Variants in ATP2B2 observed in about 807,000 individuals in gnomAD.
The protein encoded by ATP2B2 is plasma membrane calcium-transporting ATPase 2.
A neutral mutation model predicts 120.0 loss-of-function variants in ATP2B2; 15 were observed. The observed-to-expected ratio is 0.12, with a 90% CI of 0.08 to 0.19. The LOEUF is 0.19. Among genes scored for constraint, ATP2B2 ranks in the 10% least tolerant of loss-of-function variants. ATP2B2 has a pLI of 1.00. For synonymous variants in ATP2B2, 694 were observed against 700.3 expected (o/e 0.99, Z 0.14); for missense variants, 1,045 against 1,719.8 (o/e 0.61, Z 6.94).
At chr3:10,354,927 G>T (rs562753868) in intron 14 of ATP2B2, among the ~76,000 whole-genome samples, 25 of 152,076 alleles carry the variant, frequency 1.6e-4, no homozygotes, top group Non-Finnish European at 3.7e-4. Flanking sequence ...ATAAAGGGAC[G>T]AGTCCAGGAG....
At position 10,606,961 on chromosome 3, in the gene ATP2B2, GGAGA is replaced by G. The variant is rs1288819291; in HGVS notation, c.-415+12952_-415+12955del. ...GAGGGAGAGGGAGAGGGGGAGGGGG[GGAGA>G]GAGAGAGAGAGAGAAAGAAAGAGAG... On this transcript the variant is annotated intron_variant, in intron 2 of 21. Transcript: ENST00000646379. Among the ~76,000 whole-genome samples, 176 of 91,324 alleles carry G rather than the reference GGAGA, an allele frequency of 1.9e-3. 3 individuals are homozygous for G. The East Asian group carries it at 0.034, about 17-fold the overall frequency. 59.9% of individuals were successfully genotyped at this position (91,324 alleles called of 152,430 possible).
At chr3:10,650,706 C>T (rs2070435622) in intron 1 of ATP2B2, among the ~76,000 whole-genome samples, 2 of 152,188 alleles carry the variant, frequency 1.3e-5, no homozygotes, top group Non-Finnish European at 2.9e-5. Flanking sequence ...CTGCTCTGTG[C>T]AGCTGTCAGA....
chr3:10,507,375 G>T (rs2066663472), upstream of ATP2B2, among the ~76,000 whole-genome samples: 1 of 152,064 alleles, frequency 6.6e-6, no homozygotes, highest in African/African-American at 2.4e-5. Context: ...ACCCCTCTAG[G>T]TGGTCTTCTA....
At chr3:10,602,044 G>A (rs992784957) in intron 2 of ATP2B2, among the ~76,000 whole-genome samples, 2 of 152,342 alleles carry the variant, frequency 1.3e-5, no homozygotes, top group East Asian at 1.9e-4. Flanking sequence ...TGTCCTCCCC[G>A]CGCCTGCAGA....
At chr3:10,388,545 G>C in intron 5 of ATP2B2, 143 bp from the exon 6 acceptor site, 2 of 1,226,336 alleles carry the variant, frequency 1.6e-6, no homozygotes, top group South Asian at 2.5e-5. Context: ...GATTCACACT[G>C]TGTGTGTGGT....
At chr3:10,509,791 G>A (rs896560650), upstream of ATP2B2, among the ~76,000 whole-genome samples, 2 of 152,170 alleles carry the variant, frequency 1.3e-5, no homozygotes, top group Admixed American at 1.3e-4. Context: ...AACTCCCTCA[G>A]CCAACCAGAT....
chr3:10,328,474 T>C lies in ATP2B2; in HGVS notation c.*340A>G, dbSNP rs1245362515. 1.5e-5 allele frequency: 4 copies of C among 260,332 alleles called. No individual in the cohort carries two copies. The highest frequency in any genetic ancestry group is 1.5e-4 in the Admixed American group (3 of 20,136). 16.1% of individuals were successfully genotyped at this position (260,332 alleles called of 1,614,324 possible). ...AACCAAACAAGGGGAGGATTGAAAG[T>C]GTACAGTACATTCATGCGGGGGACG... is the stretch of plus-strand genomic sequence containing the variant. On this transcript the variant is annotated 3_prime_UTR_variant, in exon 23 of 23. Transcript: ENST00000360273.
At chr3:10,474,664 C>T (rs906575932) in intron 1 of ATP2B2, among the ~76,000 whole-genome samples, 2 of 152,258 alleles carry the variant, frequency 1.3e-5, no homozygotes, top group East Asian at 1.9e-4. Flanking sequence ...TCCTTCCACC[C>T]GTTCCTTGTA....
chr3:10,573,152 T>TA (rs1491123416), intron 2 of ATP2B2, among the ~76,000 whole-genome samples: 4 of 25,278 alleles, frequency 1.6e-4, no homozygotes. Context: ...GCCAAATACA[T>TA]TTTTTTTTTT....
At chr3:10,485,896 C>A (rs1250669457) in intron 1 of ATP2B2, among the ~76,000 whole-genome samples, 1 of 152,172 alleles carries the variant, frequency 6.6e-6, no homozygotes, top group Non-Finnish European at 1.5e-5. Flanking sequence ...CCTGTGAGAT[C>A]CATGCTCTGA....
chr3:10,676,295 T>A (rs772093030), intron 1 of ATP2B2, among the ~76,000 whole-genome samples: 2 of 152,154 alleles, frequency 1.3e-5, no homozygotes, highest in Non-Finnish European at 2.9e-5. Flanking sequence ...CCTTTGTGGG[T>A]TCCAGCCATT....
Position 10,612,796 on chromosome 3 carries a change from A to G in ATP2B2, c.-415+7121T>C, listed in dbSNP as rs535329361. Among the ~76,000 whole-genome samples the G allele has an allele frequency of 4.6e-5, 7 of 152,306 alleles. No individual in the cohort carries two copies. In the South Asian group the frequency reaches 1.5e-3, roughly 32 times the overall value. ...CTCTGGTCTTCTGCTGGTCTTAGTAAATAGCACCAGCCTCCAACTGGTTAT... is the reference window on the plus strand; with the variant it reads ...CTCTGGTCTTCTGCTGGTCTTAGTAGATAGCACCAGCCTCCAACTGGTTAT... On this transcript the variant is annotated intron_variant, in intron 2 of 21. Transcript: ENST00000646379.
chr3:10,549,992 G>A (rs2067634389), intron 2 of ATP2B2, among the ~76,000 whole-genome samples: 1 of 152,248 alleles, frequency 6.6e-6, no homozygotes, highest in Non-Finnish European at 1.5e-5. Flanking sequence ...AAAATGGCCT[G>A]ACTCCAAATC....
At chr3:10,369,236 C>T (rs146007345) in intron 12 of ATP2B2, among the ~76,000 whole-genome samples, 6 of 152,248 alleles carry the variant, frequency 3.9e-5, no homozygotes, top group South Asian at 2.1e-4. Flanking sequence ...GGAGGGTGGC[C>T]GGATGTCTGC....
chr3:10,553,762 G>A (rs952422218), intron 2 of ATP2B2, among the ~76,000 whole-genome samples: 4 of 152,108 alleles, frequency 2.6e-5, no homozygotes, highest in African/African-American at 9.7e-5. Context: ...GGAACTGGGT[G>A]TTATCGAGAT....
chr3:10,416,215 T>A (rs201622564), intron 2 of ATP2B2, among the ~76,000 whole-genome samples: 1 of 152,212 alleles, frequency 6.6e-6, no homozygotes, highest in Admixed American at 6.5e-5. Flanking sequence ...GGACTGGCTG[T>A]ATAGGAACTC....
chr3:10,347,974 C>A lies in ATP2B2; in HGVS notation c.2405-1837G>T, dbSNP rs2060475588. On this transcript the variant is annotated intron_variant, in intron 16 of 22. Transcript: ENST00000360273. The surrounding 1 kb of genome is among the most constrained non-coding windows in gnomAD (Gnocchi z 5.2). ...GGCCTCCTTCCTTGTCTTCCCGGCA[C>A]CACTCCCCACTGACCATCCTCCTGC... Among the ~76,000 whole-genome samples, 1 of 152,106 alleles carries A rather than the reference C, an allele frequency of 6.6e-6. No individual in the cohort carries two copies. The highest frequency in any genetic ancestry group is 1.5e-5 in the Non-Finnish European group (1 of 67,998).
At position 10,375,834 on chromosome 3, in the gene ATP2B2, G is replaced by T. The variant is rs1390466871; in HGVS notation, c.1202-190C>A. ...GATCCTCACCGAGCCTCAGTCTCCT[G>T]CTCTGTACAATGGGGATGCATACTT... On this transcript the variant is annotated intron_variant, in intron 10 of 22. Coordinates refer to ENST00000360273, the MANE Select transcript of ATP2B2 (RefSeq NM_001001331.4). The surrounding 1 kb of genome is among the most constrained non-coding windows in gnomAD (Gnocchi z 4.2). Among the ~76,000 whole-genome samples, 1 of 152,182 alleles carries T rather than the reference G, an allele frequency of 6.6e-6. No individual in the cohort carries two copies. The highest frequency in any genetic ancestry group is 1.5e-5 in the Non-Finnish European group (1 of 68,040).
chr3:10,622,299 G>A (rs2069574455), intron 1 of ATP2B2, among the ~76,000 whole-genome samples: 1 of 152,140 alleles, frequency 6.6e-6, no homozygotes, highest in Non-Finnish European at 1.5e-5. Context: ...CCTCACTAGT[G>A]AATTTTTAAT....
Sources: gnomAD v4.1 joint callset for allele counts (sites outside exome capture counted in the v4.1 genomes callset) on GRCh38, gnomAD v4.1.1 for gene constraint, Gnocchi (gnomAD v3.1) non-coding constraint, MANE v1.5 for transcripts, NCBI Gene and HGNC (gene_info 2026-07-23, HGNC 2026-07-21) for gene names.